Variants in MYO1E observed in about 807,000 individuals in gnomAD.
MYO1E encodes the protein myosin IE.
A neutral mutation model predicts 151.1 loss-of-function variants in MYO1E; 68 were observed. That is an observed-to-expected ratio of 0.45 (90% CI 0.37 to 0.55). The LOEUF (loss-of-function observed/expected upper bound fraction) is 0.55, where lower values mean the gene tolerates loss of function less well. Among genes scored for constraint, MYO1E ranks in the 20% least tolerant of loss-of-function variants. MYO1E has a pLI of 0.00. For missense variants in MYO1E, 1,363 were observed against 1,389.3 expected, an observed-to-expected ratio of 0.98 and a Z score of 0.30; for synonymous variants, 601 against 501.7, an observed-to-expected ratio of 1.20 and a Z score of -2.64.
intron 3 of MYO1E, among the ~76,000 whole-genome samples, chr15:59,261,087 C>T (rs2080221893): frequency 6.6e-6 from 1 of 151,970 alleles, no homozygotes; most frequent in East Asian, 1.9e-4. Context: ...GTGGTGCATG[C>T]CTGTAATCTC....
chr15:59,192,323 A>C (rs1345143435), intron 17 of MYO1E, among the ~76,000 whole-genome samples: 1 of 152,074 alleles, frequency 6.6e-6, no homozygotes, highest in Non-Finnish European at 1.5e-5. Context: ...AGAAAAGAGA[A>C]AATACCATCC....
intron 1 of MYO1E, among the ~76,000 whole-genome samples, chr15:59,342,315 T>C (rs1580426): frequency 0.75 from 114,700 of 152,116 alleles, 45,300 homozygotes; most frequent in Non-Finnish European, 0.88. Flanking sequence ...TTTTCTCCCA[T>C]TCTGTGGGTT....
intron 6 of MYO1E, among the ~76,000 whole-genome samples, chr15:59,229,961 T>A (rs2080016507): frequency 1.3e-5 from 2 of 152,150 alleles, no homozygotes; most frequent in Admixed American, 1.3e-4. Context: ...TTAAAATAAG[T>A]AGTTATTTAA....
chr15:59,144,810 G>C (rs1007851108), intron 26 of MYO1E, among the ~76,000 whole-genome samples: 23 of 152,236 alleles, frequency 1.5e-4, no homozygotes, highest in Non-Finnish European at 2.9e-4. Flanking sequence ...GTCACTAGGT[G>C]GCAATCCTGT....
chr15:59,210,603 G>A lies in MYO1E; in HGVS notation c.1276-3C>T, dbSNP rs770648105. 1.3e-6 allele frequency: 2 copies of A among 1,572,750 alleles called. No individual in the cohort carries two copies. The highest frequency in any genetic ancestry group is 1.7e-4 in the Middle Eastern group (1 of 5,986). Reference sequence around the variant, plus strand: ...ATTCCCTCTTGAACATATTCTTCCTGTAACACAGAGACAAGGAACTCACAT... The same window carrying A: ...ATTCCCTCTTGAACATATTCTTCCTATAACACAGAGACAAGGAACTCACAT... On this transcript the variant is annotated splice_polypyrimidine_tract_variant and splice_region_variant and intron_variant, in intron 12 of 27. Coordinates refer to ENST00000288235, the MANE Select transcript of MYO1E (RefSeq NM_004998.4).
chr15:59,182,359 C>A (rs1242604540), intron 18 of MYO1E, among the ~76,000 whole-genome samples: 1 of 152,102 alleles, frequency 6.6e-6, no homozygotes, highest in Non-Finnish European at 1.5e-5. Flanking sequence ...ACTACAGGCA[C>A]CCGGCACCAT....
intron 1 of MYO1E, among the ~76,000 whole-genome samples, chr15:59,337,446 T>C (rs28572451): frequency 0.14 from 21,030 of 152,234 alleles, 1,651 homozygotes; most frequent in East Asian, 0.29. Context: ...CACATGGTTT[T>C]ATTCTGTTCT....
chr15:59,149,459 G>T (rs368904527), intron 26 of MYO1E, among the ~76,000 whole-genome samples: 1 of 138,700 alleles, frequency 7.2e-6, no homozygotes, highest in Middle Eastern at 3.8e-3. Context: ...TATGCTAATC[G>T]ATGGCAAGAT....
At chr15:59,340,038 TAG>T (rs1405755177) in intron 1 of MYO1E, among the ~76,000 whole-genome samples, 1 of 152,136 alleles carries the variant, frequency 6.6e-6, no homozygotes, top group Non-Finnish European at 1.5e-5. Context: ...GTATTTTTAG[TAG>T]AGACAGAATT....
rs780429151 is a variant in MYO1E at position 59,272,348 on chromosome 15, G to A, written c.105C>T (p.Ile35=). The A allele has an allele frequency of 6.8e-6, 11 of 1,613,928 alleles. No homozygotes were observed. Among genetic ancestry groups the A allele is most frequent in the East Asian group, 4.5e-5 (2 of 44,900 alleles). ...TGTATCTCTTCTTCAGATTCTCCAC[G>A]ATGGAGTTCTCTGTGATCTTGGACA... The part of the protein sequence containing the change: ...VLLSKITENS[I]VENLKKRYMD... Residue 35 remains isoleucine, a synonymous_variant, in exon 2 of 28, where the codon ATC becomes ATT. Coordinates refer to ENST00000288235, the MANE Select transcript of MYO1E (RefSeq NM_004998.4).
intron 8 of MYO1E, 59 bp from the exon 9 acceptor site, chr15:59,223,250 A>G (rs569642555): frequency 1.2e-6 from 2 of 1,608,264 alleles, no homozygotes; most frequent in Middle Eastern, 1.7e-4. Context: ...AAAGCACCTT[A>G]GGAAGAAGCC....
chr15:59,165,361 GT>G (rs1370885060), intron 22 of MYO1E, among the ~76,000 whole-genome samples: 1 of 152,202 alleles, frequency 6.6e-6, no homozygotes, highest in Non-Finnish European at 1.5e-5. Context: ...CAGCCAAAGA[GT>G]TTCCCTTGGA....
chr15:59,231,305 C>G (rs546364835), intron 6 of MYO1E, among the ~76,000 whole-genome samples: 19 of 152,272 alleles, frequency 1.2e-4, no homozygotes, highest in African/African-American at 4.6e-4. Context: ...GTCTATGGAC[C>G]AAGTTCTAAG....
At chr15:59,144,776 G>C (rs561143598) in intron 26 of MYO1E, among the ~76,000 whole-genome samples, 8 of 152,142 alleles carry the variant, frequency 5.3e-5, no homozygotes, top group Non-Finnish European at 8.8e-5. Context: ...CAACAGCCTC[G>C]AAAACCCAGG....
chr15:59,287,010 C>T (rs561862850), intron 1 of MYO1E, among the ~76,000 whole-genome samples: 1 of 152,150 alleles, frequency 6.6e-6, no homozygotes, highest in Non-Finnish European at 1.5e-5. Context: ...GTCCTGCAGG[C>T]TCAGGGCCGC....
chr15:59,220,700 GTTCA>G (rs1424240783), intron 9 of MYO1E, among the ~76,000 whole-genome samples: 1 of 151,866 alleles, frequency 6.6e-6, no homozygotes, highest in African/African-American at 2.4e-5. Flanking sequence ...TTTCAGTAGT[GTTCA>G]TTCAGTCTTG....
chr15:59,276,585 T>TA (rs2080320560), intron 1 of MYO1E, among the ~76,000 whole-genome samples: 1 of 152,204 alleles, frequency 6.6e-6, no homozygotes, highest in South Asian at 2.1e-4. Context: ...AAGGATGACG[T>TA]AGTTTATTAA....
At chr15:59,314,423 A>T (rs540637241) in intron 1 of MYO1E, among the ~76,000 whole-genome samples, 5 of 152,120 alleles carry the variant, frequency 3.3e-5, no homozygotes, top group Non-Finnish European at 7.4e-5. Context: ...ACTGTGAGGG[A>T]TACCTATTGA....
chr15:59,371,483 G>A (rs1401489954), intron 1 of MYO1E, among the ~76,000 whole-genome samples: 1 of 149,246 alleles, frequency 6.7e-6, no homozygotes, highest in African/African-American at 2.5e-5. Flanking sequence ...TAGAGTCCTT[G>A]CTTTCGTGCC....
Sources: gnomAD v4.1 joint callset for allele counts (sites outside exome capture counted in the v4.1 genomes callset) on GRCh38, gnomAD v4.1.1 for gene constraint, MANE v1.5 for transcripts, NCBI Gene and HGNC (gene_info 2026-07-23, HGNC 2026-07-21) for gene names.